NUDT5: variants seen among roughly 807,000 people sequenced by gnomAD.
NUDT5 encodes nudix hydrolase 5.
NUDT5 carries 21 observed loss-of-function variants against 34.1 expected under a neutral mutation model. The ratio of observed to expected loss-of-function variants is 0.62; its 90% CI spans 0.44 to 0.89. NUDT5 has a LOEUF of 0.89. Ranked by LOEUF, NUDT5 falls within the 40% of genes least tolerant of loss-of-function variation. NUDT5 has a pLI of 0.00. For synonymous variants in NUDT5, 85 were observed against 97.6 expected (o/e 0.87, Z 0.76); for missense variants, 249 against 274.8 (o/e 0.91, Z 0.66).
chr10:12,184,600 C>A, intron 3 of NUDT5: 1 of 1,383,318 alleles, frequency 7.2e-7, no homozygotes. Flanking sequence ...ATTCTGTCAC[C>A]TTATCAGCTT....
In NUDT5 at chr10:12,170,081, T is replaced by TGTCTCCATACAGTATCTCCTCTC; in HGVS notation, c.550+613_550+635dup. On this transcript the variant is annotated intron_variant, in intron 9 of 9. Coordinates refer to ENST00000491614, the MANE Select transcript of NUDT5 (RefSeq NM_014142.4). The surrounding 1 kb of genome is among the most constrained non-coding windows in gnomAD (Gnocchi z 4.9). ...CTCGTCTCCACACAGTATCTCCTCA[T>TGTCTCCATACAGTATCTCCTCTC]GTCTCCATACAGTATCTCCTCTCGT... 2.5e-6 allele frequency: 4 copies of TGTCTCCATACAGTATCTCCTCTC among 1,605,072 alleles called. No individual in the cohort carries two copies. In the East Asian group the frequency reaches 8.9e-5, roughly 36 times the overall value.
intron 1 of NUDT5, among the ~76,000 whole-genome samples, chr10:12,191,431 C>CACT (rs900801462): frequency 1.2e-4 from 18 of 151,896 alleles, no homozygotes; most frequent in African/African-American, 4.1e-4. Flanking sequence ...GAAAAACCAC[C>CACT]ACCACAAAAC....
intron 6 of NUDT5, 128 bp from the exon 7 acceptor site, chr10:12,172,994 AT>A (rs772785046): frequency 1.5e-6 from 1 of 662,374 alleles, no homozygotes. Flanking sequence ...TAGTTCTCAC[AT>A]TTGGTAGGCA....
At chr10:12,179,367 C>T (rs1338593830) in intron 3 of NUDT5, among the ~76,000 whole-genome samples, 1 of 152,152 alleles carries the variant, frequency 6.6e-6, no homozygotes, top group African/African-American at 2.4e-5. Flanking sequence ...TTCTGGGTGC[C>T]CCCGAAACAG....
At position 12,186,218 on chromosome 10, in the gene NUDT5, A is replaced by G. The variant is rs201594730; in HGVS notation, c.63+11T>C. On this transcript the variant is annotated intron_variant, in intron 2 of 9. Transcript: ENST00000491614. ...TGGGGGAGGGAAGGGAAAGTGAAAA[A>G]CAAGTTATACCTCCTCTGAAATGAT... 2.1e-4 allele frequency: 335 copies of G among 1,604,322 alleles called. No individual in the cohort carries two copies. In the African/African-American group the frequency reaches 4.0e-3, roughly 19 times the overall value.
intron 4 of NUDT5, 54 bp downstream of exon 4, chr10:12,179,029 G>T: frequency 1.4e-6 from 2 of 1,446,120 alleles, no homozygotes; most frequent in Non-Finnish European, 1.9e-6. Context: ...ACCCTCTTAC[G>T]ATCACAAGTG....
In NUDT5 at chr10:12,175,577, G is replaced by C; in HGVS notation, c.290-1764C>G. ...GGATCACTTGAGCCCAGAAGGTCAAGGCTGCAGTGAGCTGTGATTGTGCCA... is the reference window on the plus strand; with the variant it reads ...GGATCACTTGAGCCCAGAAGGTCAACGCTGCAGTGAGCTGTGATTGTGCCA... On this transcript the variant is annotated intron_variant, in intron 5 of 9. Coordinates refer to ENST00000491614, the MANE Select transcript of NUDT5 (RefSeq NM_014142.4). This position sits in a 1 kb window ranked among gnomAD's most constrained non-coding sequence, Gnocchi z 4.8. Among the ~76,000 whole-genome samples the C allele has an allele frequency of 6.6e-6, 1 of 152,236 alleles. No individual in the cohort carries two copies. Among genetic ancestry groups the C allele is most frequent in the South Asian group, 2.1e-4 (1 of 4,828 alleles).
chr10:12,171,184 A>G lies in NUDT5; in HGVS notation c.488-276T>C, dbSNP rs1377248168. 2.0e-5 allele frequency among the ~76,000 whole-genome samples: 3 copies of G among 152,220 alleles called. No homozygotes were observed. Among genetic ancestry groups the G allele is most frequent in the Admixed American group, 2.0e-4 (3 of 15,282 alleles). On this transcript the variant is annotated intron_variant, in intron 7 of 9. Transcript: ENST00000491614. The surrounding 1 kb of genome is among the most constrained non-coding windows in gnomAD (Gnocchi z 4.2). The stretch of plus-strand genomic sequence containing the variant: ...AAATATACAGAACATATAAAAACTT[A>G]CCTTTTAACCACTATGAAGGTACAA...
At chr10:12,177,380 G>C (rs751812692) in intron 5 of NUDT5, among the ~76,000 whole-genome samples, 1 of 151,888 alleles carries the variant, frequency 6.6e-6, no homozygotes, top group Non-Finnish European at 1.5e-5. Context: ...TTAGCCGGGC[G>C]TGGTGGCGGG....
intron 3 of NUDT5, among the ~76,000 whole-genome samples, chr10:12,184,125 C>G (rs1835085430): frequency 6.6e-6 from 1 of 152,156 alleles, no homozygotes; most frequent in Admixed American, 6.5e-5. Flanking sequence ...GATCTCAGCT[C>G]ACTGCAACTT....
In NUDT5 at chr10:12,178,040, G is replaced by A. The variant is rs1834984537; in HGVS notation, c.182-140C>T. ...ACAATACTGGCAGTTAATATTGGAA[G>A]CTATTTTAAAAATGTAATTAAAAAT... On this transcript the variant is annotated intron_variant, in intron 4 of 9. Transcript: ENST00000491614. The A allele has an allele frequency of 8.6e-6, 5 of 581,936 alleles. No homozygotes were observed. In the Admixed American group the frequency reaches 1.5e-4, roughly 18 times the overall value. The allele number at this position is 581,936 out of a possible 1,614,324, so 36.0% of individuals were successfully genotyped here. A position where few individuals can be genotyped will look rare whatever the true frequency, so the allele number is the denominator to read the frequency against.
At position 12,169,315 on chromosome 10, in the gene NUDT5, A is replaced by G. The variant is rs1419194266; in HGVS notation, c.550+1402T>C. The G allele has an allele frequency of 1.9e-6, 3 of 1,553,852 alleles. No homozygotes were observed. Among genetic ancestry groups the G allele is most frequent in the Non-Finnish European group, 2.6e-6 (3 of 1,147,188 alleles). ...AAGGAAGACATTTTACAAAAAGGATACTCTTCTACTAAAAGATAACCCCGC... is the reference window on the plus strand; with the variant it reads ...AAGGAAGACATTTTACAAAAAGGATGCTCTTCTACTAAAAGATAACCCCGC... On this transcript the variant is annotated intron_variant, in intron 9 of 9. Coordinates refer to ENST00000491614, the MANE Select transcript of NUDT5 (RefSeq NM_014142.4). The surrounding 1 kb of genome is among the most constrained non-coding windows in gnomAD (Gnocchi z 4.8).
rs967658617 is a variant in NUDT5 at position 12,175,137 on chromosome 10, T to C, written c.290-1324A>G. 6.6e-6 allele frequency among the ~76,000 whole-genome samples: 1 copy of C among 151,434 alleles called. No individual in the cohort carries two copies. Among genetic ancestry groups the C allele is most frequent in the Admixed American group, 6.6e-5 (1 of 15,200 alleles). On this transcript the variant is annotated intron_variant, in intron 5 of 9. Coordinates refer to ENST00000491614, the MANE Select transcript of NUDT5 (RefSeq NM_014142.4). The surrounding 1 kb of genome is among the most constrained non-coding windows in gnomAD (Gnocchi z 4.8). ...GGGTTCGAGACCAGCCTGGCCAACA[T>C]GGTGAAACCCTGTCTCCACTAAAAA...
chr10:12,193,275 C>T (rs1451096080), intron 1 of NUDT5, among the ~76,000 whole-genome samples: 2 of 152,070 alleles, frequency 1.3e-5, no homozygotes, highest in Non-Finnish European at 2.9e-5. Context: ...AGGGGTGATG[C>T]AGAGCTCAAA....
chr10:12,190,435 G>A (rs980453170), intron 1 of NUDT5, among the ~76,000 whole-genome samples: 2 of 152,024 alleles, frequency 1.3e-5, no homozygotes, highest in Non-Finnish European at 2.9e-5. Context: ...CAGTGGAAAC[G>A]TCTGTGTATA....
rs1159818745 is a variant in NUDT5, at chr10:12,187,760, C to A, written c.-41-1428G>T. On this transcript the variant is annotated intron_variant, in intron 1 of 9. Coordinates refer to ENST00000491614, the MANE Select transcript of NUDT5 (RefSeq NM_014142.4). This position sits in a 1 kb window ranked among gnomAD's most constrained non-coding sequence, Gnocchi z 5.4. ...TACTGGGAAGTCAAGTGGGTCCTTT[C>A]AATCTGGAAACTTCTTACTATGCTT... 1.3e-5 allele frequency among the ~76,000 whole-genome samples: 2 copies of A among 152,140 alleles called. No homozygotes were observed. Among genetic ancestry groups the A allele is most frequent in the African/African-American group, 4.8e-5 (2 of 41,408 alleles).
rs143879796 is a variant in NUDT5 at position 12,187,565 on chromosome 10, T to G, written c.-41-1233A>C. On this transcript the variant is annotated intron_variant, in intron 1 of 9. Transcript: ENST00000491614. The surrounding 1 kb of genome is among the most constrained non-coding windows in gnomAD (Gnocchi z 5.4). Reference sequence around the variant, plus strand: ...GTTAATTCAGCTGTATATAGAATTATAGACCCAAAGCCAGTTGTCTATGAA... The same window carrying G: ...GTTAATTCAGCTGTATATAGAATTAGAGACCCAAAGCCAGTTGTCTATGAA... 5.9e-5 allele frequency among the ~76,000 whole-genome samples: 9 copies of G among 152,360 alleles called. No homozygotes were observed. The East Asian group carries it at 1.7e-3, about 29-fold the overall frequency.
At chr10:12,177,343 C>A (rs1036610507) in intron 5 of NUDT5, among the ~76,000 whole-genome samples, 4 of 151,956 alleles carry the variant, frequency 2.6e-5, no homozygotes, top group East Asian at 3.9e-4. Flanking sequence ...CACGGTGAAA[C>A]CCTGTCTCTA....
chr10:12,183,405 C>T (rs987245074), intron 3 of NUDT5, among the ~76,000 whole-genome samples: 7 of 152,206 alleles, frequency 4.6e-5, no homozygotes, highest in African/African-American at 1.7e-4. Context: ...AGCTCTCCCA[C>T]ATTAGGCCTT....
Sources: gnomAD v4.1 joint callset for allele counts (sites outside exome capture counted in the v4.1 genomes callset) on GRCh38, gnomAD v4.1.1 for gene constraint, Gnocchi (gnomAD v3.1) non-coding constraint, MANE v1.5 for transcripts, NCBI Gene and HGNC (gene_info 2026-07-23, HGNC 2026-07-21) for gene names.